The following SDK1 variants were observed in gnomAD, a reference collection of about 807,000 sequenced individuals.
SDK1 encodes the protein sidekick cell adhesion molecule 1, also known as protein sidekick-1.
SDK1 carries 157 observed loss-of-function variants against 245.5 expected under a neutral mutation model. The ratio of observed to expected loss-of-function variants is 0.64; its 90% CI spans 0.56 to 0.73. SDK1 has a LOEUF of 0.73. Ranked by LOEUF, SDK1 falls within the 30% of genes least tolerant of loss-of-function variation. The pLI, the probability that SDK1 is intolerant of heterozygous loss-of-function variation, is 0.00. For missense variants in SDK1, 3,583 were observed against 3,002.3 expected (o/e 1.19, Z -4.52); for synonymous variants, 1,647 against 1,278.5 (o/e 1.29, Z -6.15).
chr7:3,940,291 G>A (rs527602344), intron 5 of SDK1, among the ~76,000 whole-genome samples: 7 of 152,350 alleles, frequency 4.6e-5, no homozygotes, highest in Non-Finnish European at 8.8e-5. Context: ...CGTGCTTTGC[G>A]GGACAGTGAA....
At chr7:3,800,893 C>T (rs1779091421) in intron 4 of SDK1, among the ~76,000 whole-genome samples, 3 of 152,106 alleles carry the variant, frequency 2.0e-5, no homozygotes, top group African/African-American at 7.2e-5. Flanking sequence ...TTTGTCTTGG[C>T]CTAGTGGACT....
intron 14 of SDK1, among the ~76,000 whole-genome samples, chr7:4,009,316 C>T (rs1242435252): frequency 6.6e-6 from 1 of 152,204 alleles, no homozygotes; most frequent in Non-Finnish European, 1.5e-5. Context: ...CTTCTACCAA[C>T]CGAGTCTGGT....
At chr7:3,964,025 C>T (rs1224810821) in intron 9 of SDK1, among the ~76,000 whole-genome samples, 2 of 152,158 alleles carry the variant, frequency 1.3e-5, no homozygotes, top group African/African-American at 2.4e-5. Flanking sequence ...ACACCTTGGC[C>T]CACAGCTACC....
At chr7:3,990,729 C>T (rs1309038069) in intron 14 of SDK1, among the ~76,000 whole-genome samples, 2 of 152,226 alleles carry the variant, frequency 1.3e-5, no homozygotes, top group Non-Finnish European at 2.9e-5. Flanking sequence ...AGGTGAAATT[C>T]ATCTCTCCAG....
At position 3,881,330 on chromosome 7, in the gene SDK1, A is replaced by G. The variant is rs1414502126; in HGVS notation, c.847+59747A>G. On this transcript the variant is annotated intron_variant, in intron 5 of 44. Coordinates refer to ENST00000404826, the MANE Select transcript of SDK1 (RefSeq NM_152744.4). ...CATGTATTCTCATCGTTCAGCTCCC[A>G]CTTAGAAGTGAGAACATGAAGTGTT... is the stretch of plus-strand genomic sequence containing the variant. Among the ~76,000 whole-genome samples, 7 of 152,036 alleles carry G rather than the reference A, an allele frequency of 4.6e-5. No individual in the cohort carries two copies. The East Asian group carries it at 1.4e-3, about 29-fold the overall frequency.
intron 4 of SDK1, among the ~76,000 whole-genome samples, chr7:3,648,374 G>A (rs1310745689): frequency 6.6e-6 from 1 of 152,194 alleles, no homozygotes. Flanking sequence ...GAATGTGCAA[G>A]CACAAGTATT....
chr7:3,986,350 C>G (rs996915679), intron 13 of SDK1, among the ~76,000 whole-genome samples: 4 of 152,146 alleles, frequency 2.6e-5, no homozygotes, highest in African/African-American at 4.8e-5. Context: ...ATAACTCCAG[C>G]AGAAGACATA....
At chr7:3,420,530 C>T (rs1003430544) in intron 1 of SDK1, among the ~76,000 whole-genome samples, 4 of 152,094 alleles carry the variant, frequency 2.6e-5, no homozygotes, top group Admixed American at 6.5e-5. Flanking sequence ...TTTATCATAG[C>T]TCTAAGTAGT....
At chr7:3,570,032 C>T (rs867123892) in intron 1 of SDK1, among the ~76,000 whole-genome samples, 1 of 152,212 alleles carries the variant, frequency 6.6e-6, no homozygotes, top group Admixed American at 6.5e-5. Context: ...AAATCACACA[C>T]ACCAGCTCCA....
intron 5 of SDK1, among the ~76,000 whole-genome samples, chr7:3,893,164 CT>C (rs1483268175): frequency 6.6e-6 from 1 of 152,116 alleles, no homozygotes; most frequent in African/African-American, 2.4e-5. Flanking sequence ...TATACAGTGC[CT>C]TTTGCTAGGA....
intron 1 of SDK1, among the ~76,000 whole-genome samples, chr7:3,474,091 GTTTTTTTTTTTTTTTTT>G (rs869083123): frequency 2.5e-4 from 11 of 43,214 alleles, no homozygotes; most frequent in Admixed American, 3.8e-4. Flanking sequence ...ACCAGATGGT[GTTTTTTTTTTTTTTTTT>G]TTTTTTTTTT....
chr7:3,515,203 A>C (rs1444386349), intron 1 of SDK1, among the ~76,000 whole-genome samples: 1 of 152,168 alleles, frequency 6.6e-6, no homozygotes, highest in Non-Finnish European at 1.5e-5. Flanking sequence ...GGGCTGTGCA[A>C]CTGAATACTG....
intron 1 of SDK1, among the ~76,000 whole-genome samples, chr7:3,338,984 A>T (rs4358698): frequency 0.45 from 68,766 of 152,010 alleles, 15,620 homozygotes; most frequent in East Asian, 0.56. Flanking sequence ...TTAAATATAG[A>T]TGATCTGAAT....
intron 29 of SDK1, among the ~76,000 whole-genome samples, chr7:4,147,361 G>A (rs1404823576): frequency 6.6e-6 from 1 of 152,134 alleles, no homozygotes; most frequent in Non-Finnish European, 1.5e-5. Context: ...TGAAGAGACA[G>A]AGTCTTGCTA....
intron 40 of SDK1, among the ~76,000 whole-genome samples, chr7:4,226,168 C>T (rs1007593172): frequency 5.3e-5 from 8 of 152,350 alleles, no homozygotes; most frequent in East Asian, 1.9e-4. Context: ...CCTGGCAAGA[C>T]GTTCTCCAGG....
chr7:3,549,524 G>T (rs1461096910), intron 1 of SDK1, among the ~76,000 whole-genome samples: 9 of 152,202 alleles, frequency 5.9e-5, no homozygotes, highest in Non-Finnish European at 1.0e-4. Flanking sequence ...ACAGTATTCA[G>T]TGTGAAGTAG....
intron 28 of SDK1, among the ~76,000 whole-genome samples, chr7:4,141,309 A>G (rs1454737937): frequency 6.6e-6 from 1 of 152,248 alleles, no homozygotes; most frequent in African/African-American, 2.4e-5. Context: ...GCTTGGCAAG[A>G]AGAAACCAGT....
At chr7:3,454,441 CTA>C (rs1165614636) in intron 1 of SDK1, among the ~76,000 whole-genome samples, 2 of 117,834 alleles carry the variant, frequency 1.7e-5, no homozygotes, top group African/African-American at 5.8e-5. Flanking sequence ...ACATTTAAGT[CTA>C]TGCAATTCTG....
chr7:4,148,448 C>G (rs1240889582), intron 29 of SDK1, among the ~76,000 whole-genome samples: 1 of 152,260 alleles, frequency 6.6e-6, no homozygotes, highest in East Asian at 1.9e-4. Context: ...GTCCCGCATC[C>G]AAGCTACTGC....
Sources: allele counts gnomAD v4.1 joint callset (sites outside exome capture counted in the v4.1 genomes callset), GRCh38; gene constraint gnomAD v4.1.1; transcripts MANE v1.5; gene names NCBI Gene and HGNC (gene_info 2026-07-23, HGNC 2026-07-21).